PDE11A: variants seen among roughly 807,000 people sequenced by gnomAD.
PDE11A encodes phosphodiesterase 11A.
A neutral mutation model predicts 100.5 loss-of-function variants in PDE11A; 100 were observed. That is an observed-to-expected ratio of 1.00 (90% confidence interval 0.85 to 1.18). The LOEUF is 1.18. Ranked by LOEUF, PDE11A falls within the 50% of genes most tolerant of loss-of-function variation. The pLI is 0.00. For synonymous variants in PDE11A, 381 were observed against 420.8 expected (o/e 0.91, Z 1.16); for missense variants, 1,141 against 1,152.6 (o/e 0.99, Z 0.15).
rs76054462 is a variant in PDE11A, at chr2:177,865,540, T to C, written c.1367+10319A>G. ...CCCAAAAGAACCGAAAATCTATGTG[T>C]ACTCAAAAATTTGTACATGAATGTT... On this transcript the variant is annotated intron_variant, in intron 5 of 19. Transcript: ENST00000286063. Among the ~76,000 whole-genome samples the C allele has an allele frequency of 7.2e-3, 1,101 of 152,250 alleles. 13 individuals are homozygous for C. The highest frequency in any genetic ancestry group is 0.025 in the African/African-American group (1,025 of 41,540).
chr2:177,995,867 C>G (rs1324556824), intron 2 of PDE11A, among the ~76,000 whole-genome samples: 1 of 152,142 alleles, frequency 6.6e-6, no homozygotes, highest in Non-Finnish European at 1.5e-5. Context: ...CTGTAGAAAT[C>G]TATACATACA....
chr2:177,635,558 T>A (rs2080026259), intron 19 of PDE11A, among the ~76,000 whole-genome samples: 1 of 152,210 alleles, frequency 6.6e-6, no homozygotes, highest in Non-Finnish European at 1.5e-5. Flanking sequence ...TTATTCCGTA[T>A]TTTATTTATG....
chr2:177,996,343 A>T (rs546817270), intron 2 of PDE11A, among the ~76,000 whole-genome samples: 1 of 152,022 alleles, frequency 6.6e-6, no homozygotes, highest in African/African-American at 2.4e-5. Flanking sequence ...GGGAGTAAAA[A>T]CCTAAATAAC....
At chr2:177,869,907 C>T (rs1294249165) in intron 5 of PDE11A, among the ~76,000 whole-genome samples, 1 of 152,156 alleles carries the variant, frequency 6.6e-6, no homozygotes, top group South Asian at 2.1e-4. Context: ...GACTAAATTC[C>T]TAGTTTTTCC....
intron 9 of PDE11A, among the ~76,000 whole-genome samples, chr2:177,792,959 G>A (rs1372607203): frequency 6.6e-6 from 1 of 152,196 alleles, no homozygotes; most frequent in Non-Finnish European, 1.5e-5. Flanking sequence ...AAGAATGGCA[G>A]GGAGTGGCAG....
chr2:177,836,980 T>C (rs1328322140), intron 6 of PDE11A, among the ~76,000 whole-genome samples: 4 of 152,158 alleles, frequency 2.6e-5, no homozygotes, highest in Admixed American at 6.5e-5. Flanking sequence ...AGCTTCATTC[T>C]TGAAGTCAAT....
At chr2:177,649,292 GAAA>G (rs2105457800) in intron 19 of PDE11A, among the ~76,000 whole-genome samples, 1 of 152,198 alleles carries the variant, frequency 6.6e-6, no homozygotes, top group African/African-American at 2.4e-5. Flanking sequence ...AATAAAGTAT[GAAA>G]ATTGTGTATT....
Position 177,631,655 on chromosome 2 carries a change from G to A in PDE11A, c.2647-2093C>T, listed in dbSNP as rs559617122. 1.4e-3 allele frequency among the ~76,000 whole-genome samples: 185 copies of A among 132,392 alleles called. 4 individuals carry two copies. In the East Asian group the frequency reaches 0.036, roughly 26 times the overall value. The allele number at this position is 132,392 out of a possible 152,430, so 86.9% of individuals were successfully genotyped here. A position where few individuals can be genotyped will look rare whatever the true frequency, so the allele number is the denominator to read the frequency against. On this transcript the variant is annotated intron_variant, in intron 19 of 19. Transcript: ENST00000286063. Reference sequence around the variant, plus strand: ...TATATATATACATATATATGTGTGTGTATATATATACACATATATATATGG... The same window carrying A: ...TATATATATACATATATATGTGTGTATATATATATACACATATATATATGG...
chr2:177,673,162 C>A (rs3770011), intron 17 of PDE11A, among the ~76,000 whole-genome samples: 1 of 151,970 alleles, frequency 6.6e-6, no homozygotes, highest in South Asian at 2.1e-4. Flanking sequence ...ATGGAAAGGA[C>A]TTGAATCAAA....
intron 2 of PDE11A, among the ~76,000 whole-genome samples, chr2:177,939,478 AAG>A (rs1418087738): frequency 1.6e-5 from 2 of 127,868 alleles, no homozygotes; most frequent in African/African-American, 5.8e-5. Flanking sequence ...GGAAGGAAGA[AAG>A]AAGGGAGAGA....
chr2:178,083,546 C>T (rs2087313064), intron 2 of PDE11A, among the ~76,000 whole-genome samples: 1 of 152,138 alleles, frequency 6.6e-6, no homozygotes, highest in Non-Finnish European at 1.5e-5. Context: ...TGTTGGTTTC[C>T]ACAGACTGGC....
intron 18 of PDE11A, among the ~76,000 whole-genome samples, chr2:177,665,158 AAT>A (rs1182674158): frequency 1.4e-3 from 218 of 152,220 alleles, no homozygotes; most frequent in African/African-American, 5.1e-3. Context: ...TCTTGTGAAT[AAT>A]ATGAGTCTTG....
intron 9 of PDE11A, among the ~76,000 whole-genome samples, chr2:177,772,001 CAATAAATAAATA>C (rs57220935): frequency 6.7e-6 from 1 of 149,294 alleles, no homozygotes; most frequent in African/African-American, 2.5e-5. Context: ...GACTCTGTCT[CAATAAATAAATA>C]AATAAATAAA....
In PDE11A at chr2:178,104,193, G is replaced by A. The variant is rs186871128; in HGVS notation, c.162+109C>T. ...TCCATATTTCAGTAATATGTAAAGA[G>A]TGGTCCATTTTTAACGCTGCAAATT... On this transcript the variant is annotated intron_variant, in intron 2 of 20. Coordinates refer to the PDE11A transcript ENST00000358450. 3.4e-4 allele frequency: 325 copies of A among 954,310 alleles called. No individual in the cohort carries two copies. In the African/African-American group the frequency reaches 4.8e-3, roughly 14 times the overall value. The allele number at this position is 954,310 out of a possible 1,614,324, so 59.1% of individuals were successfully genotyped here. A position where few individuals can be genotyped will look rare whatever the true frequency, so the allele number is the denominator to read the frequency against.
At chr2:177,636,904 A>T (rs13009207) in intron 19 of PDE11A, among the ~76,000 whole-genome samples, 1 of 152,000 alleles carries the variant, frequency 6.6e-6, no homozygotes, top group Non-Finnish European at 1.5e-5. Flanking sequence ...TCAGGTCTTC[A>T]ATGAACTCAG....
At chr2:177,753,155 G>A (rs902506274) in intron 10 of PDE11A, among the ~76,000 whole-genome samples, 1 of 152,176 alleles carries the variant, frequency 6.6e-6, no homozygotes, top group African/African-American at 2.4e-5. Flanking sequence ...GAAGCATTTG[G>A]AGTTTAACTG....
chr2:177,673,684 G>A (rs988357829), intron 17 of PDE11A, among the ~76,000 whole-genome samples: 1 of 152,132 alleles, frequency 6.6e-6, no homozygotes, highest in Non-Finnish European at 1.5e-5. Flanking sequence ...AGGAAGGATG[G>A]GTATATTTTG....
At chr2:177,647,177 T>C (rs2080234892) in intron 19 of PDE11A, among the ~76,000 whole-genome samples, 1 of 152,200 alleles carries the variant, frequency 6.6e-6, no homozygotes. Flanking sequence ...TCACCTGAAA[T>C]TTCATAGAAA....
intron 1 of PDE11A, among the ~76,000 whole-genome samples, chr2:178,048,013 A>G (rs1349261393): frequency 6.6e-6 from 1 of 152,182 alleles, no homozygotes; most frequent in African/African-American, 2.4e-5. Flanking sequence ...CATCCTATCC[A>G]CTGCCTACCC....
Sources: gnomAD v4.1 joint callset for allele counts (sites outside exome capture counted in the v4.1 genomes callset) on GRCh38, gnomAD v4.1.1 for gene constraint, MANE v1.5 for transcripts, NCBI Gene and HGNC (gene_info 2026-07-23, HGNC 2026-07-21) for gene names.